The following ELAVL3 variants were observed in gnomAD, a reference collection of about 807,000 sequenced individuals.
The protein encoded by ELAVL3 is ELAV like RNA binding protein 3.
In ELAVL3, 8 loss-of-function variants were observed where a neutral mutation model predicts 34.2. The observed-to-expected ratio is 0.23, with a 90% CI of 0.14 to 0.42. ELAVL3 has a LOEUF of 0.42. Among genes scored for constraint, ELAVL3 ranks in the 10% least tolerant of loss-of-function variants. The pLI is 1.00. For missense variants in ELAVL3, 273 were observed against 518.8 expected, an observed-to-expected ratio of 0.53 and a Z score of 4.60; for synonymous variants, 209 against 222.1, an observed-to-expected ratio of 0.94 and a Z score of 0.53.
chr19:11,478,339 C>T (rs950856722), intron 1 of ELAVL3, among the ~76,000 whole-genome samples: 12 of 152,242 alleles, frequency 7.9e-5, no homozygotes, highest in South Asian at 2.1e-4. Flanking sequence ...CAGAGCTTAG[C>T]GGGACCAGTA....
rs1016660015 is a variant in ELAVL3 at position 11,475,494 on chromosome 19, G to A, written c.9+5106C>T. Among the ~76,000 whole-genome samples the A allele has an allele frequency of 2.0e-5, 3 of 151,798 alleles. No homozygotes were observed. In the South Asian group the frequency reaches 6.2e-4, roughly 31 times the overall value. ...TAATTTTTTATTTTTTGTAGAGATG[G>A]GATCTTGCTATGTTGCCCAGGCTGT... On this transcript the variant is annotated intron_variant, in intron 1 of 6. Transcript: ENST00000359227.
At position 11,458,270 on chromosome 19, in the gene ELAVL3, C is replaced by G; in HGVS notation, c.504G>C (p.Val168=). 1 of 1,613,890 alleles carries G rather than the reference C, an allele frequency of 6.2e-7. No individual in the cohort carries two copies. Among genetic ancestry groups the G allele is most frequent in the Non-Finnish European group, 8.5e-7 (1 of 1,180,044 alleles). Reference sequence around the variant, plus strand: ...TCCTCTTGTCAAAGCGGATGAATCCCACACCCCGAGAGACACCTGCCAGGG... The same window carrying G: ...TCCTCTTGTCAAAGCGGATGAATCCGACACCCCGAGAGACACCTGCCAGGG... The part of the protein sequence containing the change: ...VDQVTGVSRG[V]GFIRFDKRIE... The change falls in exon 5 of 7, where the codon GTG becomes GTC. Residue 168 remains valine (V), a synonymous_variant. Coordinates refer to ENST00000359227, the MANE Select transcript of ELAVL3 (RefSeq NM_001420.4). This position sits in a 1 kb window ranked among gnomAD's most constrained non-coding sequence, Gnocchi z 7.3.
intron 5 of ELAVL3, 61 bp from the exon 6 acceptor site, chr19:11,457,209 C>A: frequency 6.7e-7 from 1 of 1,497,188 alleles, no homozygotes; most frequent in African/African-American, 1.4e-5. Context: ...GCTGTGACAC[C>A]GTCGGCCTGC....
chr19:11,473,754 C>T (rs1043474368), intron 1 of ELAVL3, among the ~76,000 whole-genome samples: 1 of 152,156 alleles, frequency 6.6e-6, no homozygotes, highest in East Asian at 1.9e-4. Flanking sequence ...TTTTTCTGAT[C>T]CAGAGTGTGC....
intron 3 of ELAVL3, among the ~76,000 whole-genome samples, chr19:11,462,432 T>C (rs1970907267): frequency 7.2e-6 from 1 of 139,740 alleles, no homozygotes; most frequent in Non-Finnish European, 1.5e-5. Context: ...AGGTCAGGAG[T>C]AGGAGACCAC....
intron 1 of ELAVL3, among the ~76,000 whole-genome samples, chr19:11,472,338 C>T (rs920318099): frequency 1.4e-4 from 20 of 147,868 alleles, no homozygotes; most frequent in Non-Finnish European, 2.4e-4. Context: ...AGCAAGACTC[C>T]GTCTCAAAAA....
rs1224817647 is a variant in ELAVL3, at chr19:11,466,952, T to A, written c.10-125A>T. The stretch of plus-strand genomic sequence containing the variant: ...GGGCTTCGTCATGGGGAGGGGTCAC[T>A]TTATTATTCTAATGATGGGAATAAT... On this transcript the variant is annotated intron_variant, in intron 1 of 6. Transcript: ENST00000359227. The surrounding 1 kb of genome is among the most constrained non-coding windows in gnomAD (Gnocchi z 5.0). The A allele has an allele frequency of 1.4e-6, 1 of 696,390 alleles. No individual in the cohort carries two copies. The highest frequency in any genetic ancestry group is 1.8e-5 in the African/African-American group (1 of 55,514). The allele number at this position is 696,390 out of a possible 1,614,324, so 43.1% of individuals were successfully genotyped here.
intron 1 of ELAVL3, among the ~76,000 whole-genome samples, chr19:11,469,475 T>C (rs931964454): frequency 3.3e-5 from 5 of 151,628 alleles, no homozygotes; most frequent in Non-Finnish European, 7.4e-5. Context: ...AGGCGGGGTT[T>C]CTCCATGTTG....
intron 3 of ELAVL3, among the ~76,000 whole-genome samples, chr19:11,459,032 C>T (rs990075465): frequency 3.9e-5 from 6 of 151,920 alleles, no homozygotes; most frequent in South Asian, 2.1e-4. Context: ...ACTACAGCCT[C>T]GACCTCTTGG....
chr19:11,465,147 CACACCACACACATACACATACCA>C, intron 3 of ELAVL3, among the ~76,000 whole-genome samples: 1 of 143,546 alleles, frequency 7.0e-6, no homozygotes, highest in African/African-American at 2.6e-5. Flanking sequence ...CATACACATA[CACACCACACACATACACATACCA>C]CACACACATA....
intron 1 of ELAVL3, among the ~76,000 whole-genome samples, chr19:11,477,548 G>T (rs1971284851): frequency 6.6e-6 from 1 of 151,744 alleles, no homozygotes; most frequent in Admixed American, 6.6e-5. Context: ...GCTCCACCAT[G>T]ACTGGCCCTG....
At chr19:11,475,370 A>G (rs1351590474) in intron 1 of ELAVL3, among the ~76,000 whole-genome samples, 1 of 152,096 alleles carries the variant, frequency 6.6e-6, no homozygotes. Context: ...TTGTCTCGCT[A>G]TGTTGCCCAG....
chr19:11,454,502 G>C lies in ELAVL3; in HGVS notation c.*24C>G. The C allele has an allele frequency of 6.5e-7, 1 of 1,545,554 alleles. No homozygotes were observed. The highest frequency in any genetic ancestry group is 8.7e-7 in the Non-Finnish European group (1 of 1,143,178). On this transcript the variant is annotated 3_prime_UTR_variant, in exon 7 of 7. Transcript: ENST00000359227. This position sits in a 1 kb window ranked among gnomAD's most constrained non-coding sequence, Gnocchi z 9.2. ...CTCTCTCTCTGCTGCCCGGGGAGGG[G>C]GTGGGAGGGCAGGCGGGGTGGGCTC...
chr19:11,461,917 T>G (rs1970893530), intron 3 of ELAVL3, among the ~76,000 whole-genome samples: 1 of 152,220 alleles, frequency 6.6e-6, no homozygotes. Context: ...GGCGCACGCC[T>G]GTAATCCCAG....
At chr19:11,475,113 C>T (rs997819361) in intron 1 of ELAVL3, among the ~76,000 whole-genome samples, 1 of 152,200 alleles carries the variant, frequency 6.6e-6, no homozygotes, top group Non-Finnish European at 1.5e-5. Flanking sequence ...GCATGAGCCA[C>T]CGCACCCGGC....
Position 11,454,492 on chromosome 19 carries a change from C to A in ELAVL3, c.*34G>T. The A allele has an allele frequency of 6.6e-7, 1 of 1,510,344 alleles. No homozygotes were observed. Among genetic ancestry groups the A allele is most frequent in the South Asian group, 1.3e-5 (1 of 79,734 alleles). The allele number at this position is 1,510,344 out of a possible 1,614,324, so 93.6% of individuals were successfully genotyped here. A position where few individuals can be genotyped will look rare whatever the true frequency, so the allele number is the denominator to read the frequency against. On this transcript the variant is annotated 3_prime_UTR_variant, in exon 7 of 7. Transcript: ENST00000359227. This position sits in a 1 kb window ranked among gnomAD's most constrained non-coding sequence, Gnocchi z 9.2. Reference sequence around the variant, plus strand: ...CTTTCTCTCTCTCTCTCTCTGCTGCCCGGGGAGGGGGTGGGAGGGCAGGCG... The same window carrying A: ...CTTTCTCTCTCTCTCTCTCTGCTGCACGGGGAGGGGGTGGGAGGGCAGGCG...
rs560204149 is a variant in ELAVL3, at chr19:11,458,423, G to A, written c.487+35C>T. 2.2e-5 allele frequency: 36 copies of A among 1,612,876 alleles called. No individual in the cohort carries two copies. Among genetic ancestry groups the A allele is most frequent in the Middle Eastern group, 1.7e-4 (1 of 6,054 alleles). On this transcript the variant is annotated intron_variant, in intron 4 of 6. Coordinates refer to ENST00000359227, the MANE Select transcript of ELAVL3 (RefSeq NM_001420.4). This position sits in a 1 kb window ranked among gnomAD's most constrained non-coding sequence, Gnocchi z 7.3. ...TCCCACCTGACTGCCTTTGCCCAGC[G>A]CCCCCGCCAGGTGCACCCTCCCTGA...
intron 6 of ELAVL3, among the ~76,000 whole-genome samples, chr19:11,455,186 G>A (rs1970742846): frequency 6.6e-6 from 1 of 151,926 alleles, no homozygotes; most frequent in African/African-American, 2.4e-5. Flanking sequence ...GATTTGTGGT[G>A]ACACAGTCTC....
At position 11,454,547 on chromosome 19, in the gene ELAVL3, G is replaced by A. The variant is rs749641214; in HGVS notation, c.1083C>T (p.Thr361=). 1 of 1,610,678 alleles carries A rather than the reference G, an allele frequency of 6.2e-7. No homozygotes were observed. Among genetic ancestry groups the A allele is most frequent in the Non-Finnish European group, 8.5e-7 (1 of 1,177,776 alleles). The change falls in exon 7 of 7, where the codon ACC becomes ACT. Residue 361 remains threonine, a synonymous_variant. Transcript: ENST00000359227. This position sits in a 1 kb window ranked among gnomAD's most constrained non-coding sequence, Gnocchi z 9.2. ...GERVLQVSFK[T]SKQHKA ...GGGCTCACGCCTTGTGCTGTTTGCT[G>A]GTCTTGAAGGAGACCTGCAGCACGC...
Sources: gnomAD v4.1 joint callset for allele counts (sites outside exome capture counted in the v4.1 genomes callset) on GRCh38, gnomAD v4.1.1 for gene constraint, Gnocchi (gnomAD v3.1) non-coding constraint, MANE v1.5 for transcripts, NCBI Gene and HGNC (gene_info 2026-07-23, HGNC 2026-07-21) for gene names.